Variants in ADGRE2 observed in about 807,000 individuals in gnomAD.
ADGRE2 encodes adhesion G protein-coupled receptor E2, also known as CD97 antigen.
ADGRE2 carries 83 observed loss-of-function variants against 100.8 expected under a neutral mutation model. The ratio of observed to expected loss-of-function variants is 0.82; its 90% CI spans 0.69 to 0.99. The LOEUF (loss-of-function observed/expected upper bound fraction) is 0.99, where lower values mean the gene tolerates loss of function less well. Among genes scored for constraint, ADGRE2 ranks in the 50% least tolerant of loss-of-function variants. The probability of loss-of-function intolerance (pLI) is 0.00; values close to 1 mark genes in which losing one functional copy is unlikely to be tolerated. For synonymous variants in ADGRE2, 355 were observed against 413.0 expected (o/e 0.86, Z 1.70); for missense variants, 814 against 1,035.7 (o/e 0.79, Z 2.94).
chr19:14,739,401 C>T (rs2042858559), intron 20 of ADGRE2, among the ~76,000 whole-genome samples: 1 of 152,114 alleles, frequency 6.6e-6, no homozygotes, highest in Non-Finnish European at 1.5e-5. Flanking sequence ...GATCACACAC[C>T]TTAAATTTCA....
At chr19:14,762,292 T>C (rs1456747207) in intron 11 of ADGRE2, among the ~76,000 whole-genome samples, 1 of 151,442 alleles carries the variant, frequency 6.6e-6, no homozygotes, top group East Asian at 1.9e-4. Context: ...TACAATAGAA[T>C]AGTATTCAGC....
rs374943956 is a variant in ADGRE2 at position 14,757,265 on chromosome 19, G to A, written c.1085-920C>T. On this transcript the variant is annotated intron_variant, in intron 11 of 20. Transcript: ENST00000315576. ...AAAGACAGCCTATGTTCATGGATTG[G>A]AAGACTTTCTATTGTTAAGATAACA... 1.6e-4 allele frequency among the ~76,000 whole-genome samples: 25 copies of A among 152,260 alleles called. No homozygotes were observed. In the East Asian group the frequency reaches 4.3e-3, roughly 26 times the overall value.
Position 14,766,498 on chromosome 19 carries a change from G to A in ADGRE2, c.488-117C>T, listed in dbSNP as rs147152991. ...CTCAGACTGAAGACCATTATTGCAC[G>A]TGCCACCACTTGGTGACCTTCAACT... is the stretch of plus-strand genomic sequence containing the variant. On this transcript the variant is annotated intron_variant, in intron 6 of 20. Transcript: ENST00000315576. 1,232 of 1,310,142 alleles carry A rather than the reference G, an allele frequency of 9.4e-4. 4 individuals carry two copies. The African/African-American group carries it at 0.011, about 12-fold the overall frequency. The allele number at this position is 1,310,142 out of a possible 1,614,324, so 81.2% of individuals were successfully genotyped here. A position where few individuals can be genotyped will look rare whatever the true frequency, so the allele number is the denominator to read the frequency against.
intron 20 of ADGRE2, among the ~76,000 whole-genome samples, chr19:14,737,330 G>A (rs2042787703): frequency 2.0e-5 from 3 of 151,956 alleles, no homozygotes; most frequent in African/African-American, 7.3e-5. Flanking sequence ...TGCAACTACA[G>A]GCATGTGCCA....
intron 11 of ADGRE2, 76 bp from the exon 12 acceptor site, chr19:14,756,421 A>G (rs1008176915): frequency 1.1e-6 from 1 of 875,222 alleles, no homozygotes; most frequent in African/African-American, 1.7e-5. Flanking sequence ...CTATGACTTA[A>G]TATATATACT....
chr19:14,742,942 T>TTA (rs1555781428), intron 20 of ADGRE2, among the ~76,000 whole-genome samples: 1 of 150,266 alleles, frequency 6.7e-6, no homozygotes, highest in African/African-American at 2.4e-5. Flanking sequence ...TTTTTTTTTT[T>TTA]AATTTTTGGG....
At chr19:14,759,508 T>A (rs1182311122) in intron 11 of ADGRE2, among the ~76,000 whole-genome samples, 51 of 148,426 alleles carry the variant, frequency 3.4e-4, no homozygotes, top group African/African-American at 1.3e-3. Flanking sequence ...TATATATTTT[T>A]TTTTTTTAGA....
chr19:14,770,335 T>G (rs1028731974), intron 5 of ADGRE2, among the ~76,000 whole-genome samples: 1 of 152,030 alleles, frequency 6.6e-6, no homozygotes, highest in Non-Finnish European at 1.5e-5. Flanking sequence ...CTGCCAAGAG[T>G]GGAAGCTCCC....
In ADGRE2 at chr19:14,755,143, A is replaced by G. The variant is rs745880556; in HGVS notation, c.1417-16T>C. ...GGATCACTGACTGCAGGAACAGAAC[A>G]CAGGTGTGGGCTGGGCATGGTGGCT... is the stretch of plus-strand genomic sequence containing the variant. On this transcript the variant is annotated splice_polypyrimidine_tract_variant and intron_variant, in intron 13 of 20. Coordinates refer to ENST00000315576, the MANE Select transcript of ADGRE2 (RefSeq NM_013447.4). 13 of 1,611,250 alleles carry G rather than the reference A, an allele frequency of 8.1e-6. No individual in the cohort carries two copies. Among genetic ancestry groups the G allele is most frequent in the Middle Eastern group, 1.7e-4 (1 of 5,932 alleles).
rs959057852 is a variant in ADGRE2, at chr19:14,777,215, G to A, written c.-171-288C>T. ...CCCTGGGCAGGCACGCAGGGGCCTT[G>A]TCAGAAATAGCTCTGGGCTCCCACT... is the stretch of plus-strand genomic sequence containing the variant. On this transcript the variant is annotated intron_variant, in intron 1 of 20. Coordinates refer to ENST00000315576, the MANE Select transcript of ADGRE2 (RefSeq NM_013447.4). 9.7e-6 allele frequency: 4 copies of A among 413,132 alleles called. No individual in the cohort carries two copies. The Admixed American group carries it at 1.9e-4, about 20-fold the overall frequency. The allele number at this position is 413,132 out of a possible 1,614,324, so 25.6% of individuals were successfully genotyped here. A position where few individuals can be genotyped will look rare whatever the true frequency, so the allele number is the denominator to read the frequency against.
rs780272820 is a variant in ADGRE2 at position 14,765,507 on chromosome 19, C to T, written c.828+17G>A. 5.6e-6 allele frequency: 9 copies of T among 1,613,294 alleles called. No individual in the cohort carries two copies. In the South Asian group the frequency reaches 6.6e-5, roughly 12 times the overall value. On this transcript the variant is annotated intron_variant, in intron 9 of 20. Transcript: ENST00000315576. ...GGATGGAGTTCCCGCCGCCTCGTCC[C>T]TGTGGGGGCCACTCACCTGGCTGTG...
At chr19:14,742,686 A>T (rs79325746) in intron 20 of ADGRE2, among the ~76,000 whole-genome samples, 1,567 of 152,312 alleles carry the variant, frequency 0.01, 24 homozygotes, top group East Asian at 0.067. Flanking sequence ...ATTCATAAAT[A>T]TGTACAGCAT....
chr19:14,777,041 T>C lies in ADGRE2; in HGVS notation c.-171-114A>G, dbSNP rs1281724253. ...GTGTACTCGCTCAGCAAGAATGAAG[T>C]GCAACCTGCTTTAAAAATCCCTCTG... On this transcript the variant is annotated intron_variant, in intron 1 of 20. Transcript: ENST00000315576. 2.4e-6 allele frequency: 3 copies of C among 1,257,372 alleles called. No individual in the cohort carries two copies. The Admixed American group carries it at 1.1e-4, about 46-fold the overall frequency. The allele number at this position is 1,257,372 out of a possible 1,614,324, so 77.9% of individuals were successfully genotyped here. A position where few individuals can be genotyped will look rare whatever the true frequency, so the allele number is the denominator to read the frequency against.
At chr19:14,746,143 G>T in intron 18 of ADGRE2, 89 bp downstream of exon 18, 1 of 753,972 alleles carries the variant, frequency 1.3e-6, no homozygotes, top group South Asian at 1.6e-5. Flanking sequence ...AAGACCCTGA[G>T]AAGGGACCTC....
Position 14,736,164 on chromosome 19 carries a change from C to G in ADGRE2, c.*72G>C. 7.1e-7 allele frequency: 1 copy of G among 1,409,844 alleles called. No individual in the cohort carries two copies. Among genetic ancestry groups the G allele is most frequent in the South Asian group, 1.2e-5 (1 of 83,382 alleles). The allele number at this position is 1,409,844 out of a possible 1,614,324, so 87.3% of individuals were successfully genotyped here. ...CACACAGAACAAAGTCTTTTCTTTCCCCTCTAGATGGCTCAAAGATTGTTC... is the reference window on the plus strand; with the variant it reads ...CACACAGAACAAAGTCTTTTCTTTCGCCTCTAGATGGCTCAAAGATTGTTC... On this transcript the variant is annotated 3_prime_UTR_variant, in exon 21 of 21. Coordinates refer to ENST00000315576, the MANE Select transcript of ADGRE2 (RefSeq NM_013447.4).
rs577670433 is a variant in ADGRE2, at chr19:14,744,572, A to C, written c.2184-788T>G. ...CCAGGTGAAGTGACTCTCCCACCTC[A>C]GCCTCCTGAGTAGCTGGGATTATAG... On this transcript the variant is annotated intron_variant, in intron 18 of 20. Transcript: ENST00000315576. 2.0e-5 allele frequency among the ~76,000 whole-genome samples: 3 copies of C among 151,306 alleles called. No individual in the cohort carries two copies. In the East Asian group the frequency reaches 6.0e-4, roughly 30 times the overall value.
At chr19:14,774,387 G>A (rs1240975836) in intron 2 of ADGRE2, 81 bp from the exon 3 acceptor site, 32 of 1,447,666 alleles carry the variant, frequency 2.2e-5, no homozygotes, top group Admixed American at 8.6e-5. Context: ...TTTGTGGGAG[G>A]AGGATGCTGA....
At chr19:14,731,367 T>C, downstream of ADGRE2, 1 of 614,864 alleles carries the variant, frequency 1.6e-6, no homozygotes. Flanking sequence ...GCTCCTTAAC[T>C]TCCGGCTTCC....
At position 14,736,061 on chromosome 19, in the gene ADGRE2, C is replaced by T. The variant is rs1038424037; in HGVS notation, c.*175G>A. On this transcript the variant is annotated 3_prime_UTR_variant, in exon 21 of 21. Coordinates refer to ENST00000315576, the MANE Select transcript of ADGRE2 (RefSeq NM_013447.4). ...CACATTGCAGGGCATGGAAGATTTC[C>T]GGTTTCTGCAGGAATTGAATGCCTA... 20 of 632,210 alleles carry T rather than the reference C, an allele frequency of 3.2e-5. No individual in the cohort carries two copies. The highest frequency in any genetic ancestry group is 1.1e-4 in the African/African-American group (6 of 53,598). The allele number at this position is 632,210 out of a possible 1,614,324, so 39.2% of individuals were successfully genotyped here.
Sources: allele counts gnomAD v4.1 joint callset (sites outside exome capture counted in the v4.1 genomes callset), GRCh38; gene constraint gnomAD v4.1.1; transcripts MANE v1.5; gene names NCBI Gene and HGNC (gene_info 2026-07-23, HGNC 2026-07-21).